The following PRIM2 variants were observed in gnomAD, a reference collection of about 807,000 sequenced individuals.
PRIM2 encodes the protein DNA primase large subunit.
A neutral mutation model predicts 67.3 loss-of-function variants in PRIM2; 39 were observed. The observed-to-expected ratio is 0.58, with a 90% CI of 0.45 to 0.76. PRIM2 has a LOEUF of 0.76. PRIM2 is among the 30% of genes least tolerant of loss of function. PRIM2 has a pLI of 0.00. For synonymous variants in PRIM2, 143 were observed against 198.7 expected (o/e 0.72, Z 2.36); for missense variants, 398 against 598.7 (o/e 0.66, Z 3.50).
At chr6:57,539,479 T>C (rs1775088865) in intron 10 of PRIM2, among the ~76,000 whole-genome samples, 1 of 152,106 alleles carries the variant, frequency 6.6e-6, no homozygotes, top group African/African-American at 2.4e-5. Context: ...TTTGACTCTG[T>C]TATATATGTT....
At chr6:57,458,664 A>G (rs1436622722) in intron 7 of PRIM2, among the ~76,000 whole-genome samples, 1 of 152,164 alleles carries the variant, frequency 6.6e-6, no homozygotes, top group Non-Finnish European at 1.5e-5. Flanking sequence ...CAGCCTGGGC[A>G]ACAAGAGTGA....
chr6:57,608,738 A>G (rs1776605973), intron 12 of PRIM2, among the ~76,000 whole-genome samples: 2 of 150,954 alleles, frequency 1.3e-5, no homozygotes, highest in African/African-American at 4.9e-5. Context: ...AAAAAGTGCC[A>G]GTAAAGGGGA....
chr6:57,583,552 C>T (rs1776136972), intron 10 of PRIM2, among the ~76,000 whole-genome samples: 1 of 151,974 alleles, frequency 6.6e-6, no homozygotes, highest in African/African-American at 2.4e-5. Context: ...ATATGTGCCA[C>T]ATTTTCTTAA....
chr6:57,349,343 A>G (rs527652087), intron 5 of PRIM2, among the ~76,000 whole-genome samples: 52 of 151,220 alleles, frequency 3.4e-4, no homozygotes, highest in African/African-American at 1.2e-3. Flanking sequence ...TTGCATTGGT[A>G]GGTGGGTTAT....
intron 5 of PRIM2, among the ~76,000 whole-genome samples, chr6:57,330,364 T>G (rs1281185091): frequency 4.1e-5 from 4 of 97,006 alleles, no homozygotes; most frequent in African/African-American, 1.7e-4. Context: ...TTTTTTTGTT[T>G]TTGTTTTTTT....
intron 10 of PRIM2, among the ~76,000 whole-genome samples, chr6:57,585,251 T>C (rs1269833024): frequency 2.0e-5 from 3 of 152,230 alleles, no homozygotes; most frequent in Admixed American, 1.3e-4. Context: ...TCCTAGTTAA[T>C]AGTAAAACTG....
At chr6:57,346,494 A>G (rs1768683481) in intron 5 of PRIM2, among the ~76,000 whole-genome samples, 1 of 151,758 alleles carries the variant, frequency 6.6e-6, no homozygotes, top group Non-Finnish European at 1.5e-5. Context: ...TAATTTTTGT[A>G]TTTTTGGTAG....
chr6:57,418,281 T>G (rs1394221615), intron 7 of PRIM2, among the ~76,000 whole-genome samples: 1 of 150,540 alleles, frequency 6.6e-6, no homozygotes, highest in Non-Finnish European at 1.5e-5. Context: ...CAAAAGGAAG[T>G]TTTAAAAAAA....
intron 10 of PRIM2, among the ~76,000 whole-genome samples, chr6:57,560,167 G>A (rs1775599545): frequency 6.6e-6 from 1 of 152,106 alleles, no homozygotes; most frequent in African/African-American, 2.4e-5. Context: ...TAAATCTTTT[G>A]TTGTCATTTC....
At chr6:57,566,173 A>ATTT (rs1160143924) in intron 10 of PRIM2, among the ~76,000 whole-genome samples, 11 of 134,224 alleles carry the variant, frequency 8.2e-5, no homozygotes, top group East Asian at 2.1e-4. Context: ...TGTATAACCC[A>ATTT]TTTTTTTTTT....
chr6:57,535,303 C>T (rs1581975382), intron 9 of PRIM2, among the ~76,000 whole-genome samples: 2 of 152,040 alleles, frequency 1.3e-5, no homozygotes, highest in African/African-American at 4.8e-5. Flanking sequence ...TTGAATAATC[C>T]AGTGGACTGG....
intron 8 of PRIM2, among the ~76,000 whole-genome samples, chr6:57,508,716 G>T (rs1774298910): frequency 6.6e-6 from 1 of 152,206 alleles, no homozygotes; most frequent in Admixed American, 6.5e-5. Context: ...TAGACATAGA[G>T]ATACTATTGT....
intron 5 of PRIM2, among the ~76,000 whole-genome samples, chr6:57,346,690 A>G (rs1314741396): frequency 6.6e-6 from 1 of 152,096 alleles, no homozygotes; most frequent in Non-Finnish European, 1.5e-5. Flanking sequence ...TGAAAAGTTA[A>G]TTCTTTTTGG....
intron 5 of PRIM2, among the ~76,000 whole-genome samples, chr6:57,331,311 G>A (rs115179170): frequency 1.3e-5 from 2 of 152,116 alleles, no homozygotes; most frequent in Non-Finnish European, 2.9e-5. Context: ...GCTTGGTTTG[G>A]TTTGCTAGTA....
At chr6:57,337,114 C>T (rs187587236) in intron 5 of PRIM2, among the ~76,000 whole-genome samples, 188 of 152,062 alleles carry the variant, frequency 1.2e-3, no homozygotes, top group African/African-American at 4.2e-3. Flanking sequence ...AGACAAAGCA[C>T]GCCATTACAT....
At chr6:57,348,448 T>C (rs1581815393) in intron 5 of PRIM2, among the ~76,000 whole-genome samples, 1 of 152,196 alleles carries the variant, frequency 6.6e-6, no homozygotes, top group South Asian at 2.1e-4. Flanking sequence ...AGAAAAGTTA[T>C]GGACTTGAGT....
chr6:57,296,777 C>G, the PRIM2 span, among the ~76,000 whole-genome samples: 3 of 152,110 alleles, frequency 2.0e-5, no homozygotes, highest in African/African-American at 7.2e-5. Flanking sequence ...AAATATCATT[C>G]TCTCATTAAA....
At chr6:57,634,469 G>A (rs1440018851) in intron 13 of PRIM2, among the ~76,000 whole-genome samples, 2 of 152,262 alleles carry the variant, frequency 1.3e-5, no homozygotes, top group Non-Finnish European at 2.9e-5. Flanking sequence ...CGCCAGATAA[G>A]CCATGTTTGG....
chr6:57,286,113 C>T, the PRIM2 span, among the ~76,000 whole-genome samples: 15 of 151,538 alleles, frequency 9.9e-5, no homozygotes, highest in African/African-American at 2.7e-4. Context: ...AGACAGGACA[C>T]GAACAAAAGG....
Sources: allele counts gnomAD v4.1 joint callset (sites outside exome capture counted in the v4.1 genomes callset), GRCh38; gene constraint gnomAD v4.1.1; transcripts MANE v1.5; gene names NCBI Gene and HGNC (gene_info 2026-07-23, HGNC 2026-07-21).